Variants in ALG8 observed in about 807,000 individuals in gnomAD.
ALG8 encodes the protein dolichyl pyrophosphate Glc1Man9GlcNAc2 alpha-1,3-glucosyltransferase.
In ALG8, 48 loss-of-function variants were observed where a neutral mutation model predicts 70.2. That is an observed-to-expected ratio of 0.68 (90% CI 0.54 to 0.87). ALG8 has a LOEUF of 0.87. Ranked by LOEUF, ALG8 falls within the 40% of genes least tolerant of loss-of-function variation. The probability of loss-of-function intolerance (pLI) is 0.00; values close to 1 mark genes in which losing one functional copy is unlikely to be tolerated. For missense variants in ALG8, 572 were observed against 608.7 expected (o/e 0.94, Z 0.64); for synonymous variants, 234 against 229.0 (o/e 1.02, Z -0.20).
chr11:78,137,824 T>C (rs1861612954), intron 1 of ALG8, among the ~76,000 whole-genome samples: 1 of 152,130 alleles, frequency 6.6e-6, no homozygotes, highest in African/African-American at 2.4e-5. Flanking sequence ...ATTTCAAGAT[T>C]TACCAAAATG....
At chr11:78,108,072 G>A (rs866030983) in intron 9 of ALG8, among the ~76,000 whole-genome samples, 3 of 151,876 alleles carry the variant, frequency 2.0e-5, no homozygotes, top group Non-Finnish European at 4.4e-5. Flanking sequence ...GAGGTCAGGA[G>A]ATCGAGACCA....
intron 9 of ALG8, among the ~76,000 whole-genome samples, chr11:78,108,395 A>G (rs1290306669): frequency 1.3e-5 from 2 of 152,142 alleles, no homozygotes; most frequent in Non-Finnish European, 2.9e-5. Context: ...TCGCCACTGC[A>G]CTCCAGCCTG....
At chr11:78,118,164 A>G (rs967155617) in intron 5 of ALG8, among the ~76,000 whole-genome samples, 1 of 152,110 alleles carries the variant, frequency 6.6e-6, no homozygotes, top group African/African-American at 2.4e-5. Context: ...GCTCATTAAC[A>G]TTAGTCAGGA....
intron 9 of ALG8, among the ~76,000 whole-genome samples, chr11:78,107,455 G>C (rs1178146387): frequency 6.7e-6 from 1 of 148,684 alleles, no homozygotes; most frequent in East Asian, 2.0e-4. Context: ...TCCTGACCTC[G>C]TGATCTGCCT....
At chr11:78,110,775 C>T (rs936750847) in intron 8 of ALG8, among the ~76,000 whole-genome samples, 1 of 152,102 alleles carries the variant, frequency 6.6e-6, no homozygotes. Context: ...GAAAGATGTA[C>T]CAAAATATTT....
intron 4 of ALG8, 39 bp downstream of exon 4, chr11:78,121,026 G>T: frequency 6.7e-7 from 1 of 1,493,710 alleles, no homozygotes; most frequent in Non-Finnish European, 9.3e-7. Flanking sequence ...GTATACATCA[G>T]AATTAGTAAG....
At chr11:78,114,921 A>G in intron 5 of ALG8, 1 of 196,204 alleles carries the variant, frequency 5.1e-6, no homozygotes, top group Non-Finnish European at 1.1e-5. Context: ...GGCTGCAATG[A>G]GCCATGATGA....
chr11:78,112,860 T>G, intron 7 of ALG8, 90 bp from the exon 8 acceptor site: 1 of 1,503,566 alleles, frequency 6.7e-7, no homozygotes, highest in Admixed American at 2.0e-5. Context: ...TGGTATAGTG[T>G]GTAGAAAGTT....
chr11:78,124,557 G>T (rs963601872), intron 2 of ALG8, among the ~76,000 whole-genome samples: 2 of 152,200 alleles, frequency 1.3e-5, no homozygotes, highest in African/African-American at 4.8e-5. Context: ...AACCTGTCTT[G>T]TAAATTATTT....
intron 1 of ALG8, 34 bp downstream of exon 1, chr11:78,139,460 C>T (rs1861700315): frequency 1.3e-6 from 2 of 1,549,928 alleles, no homozygotes; most frequent in Non-Finnish European, 1.7e-6. Context: ...CGCGGGGCCT[C>T]CCCGCCCAGC....
intron 1 of ALG8, among the ~76,000 whole-genome samples, chr11:78,130,334 G>A (rs983132358): frequency 6.9e-5 from 5 of 72,190 alleles, no homozygotes; most frequent in African/African-American, 4.4e-4. Flanking sequence ...GGGAGACAGA[G>A]CAAGACCCGG....
At chr11:78,114,041 C>A in intron 6 of ALG8, 52 bp from the exon 7 acceptor site, 1 of 1,494,166 alleles carries the variant, frequency 6.7e-7, no homozygotes, top group East Asian at 2.4e-5. Context: ...GGAACATTAA[C>A]CATAACCTAT....
At chr11:78,134,142 T>G (rs2136947687) in intron 1 of ALG8, among the ~76,000 whole-genome samples, 1 of 151,296 alleles carries the variant, frequency 6.6e-6, no homozygotes, top group African/African-American at 2.4e-5. Flanking sequence ...CAAACTGGTT[T>G]TTTTTTTTTT....
chr11:78,110,353 G>A (rs145070954), intron 8 of ALG8, among the ~76,000 whole-genome samples: 3,278 of 152,158 alleles, frequency 0.022, 118 homozygotes, highest in African/African-American at 0.075. Flanking sequence ...CACCATGCCC[G>A]GCTAATTTTT....
intron 5 of ALG8, among the ~76,000 whole-genome samples, chr11:78,118,461 C>A (rs922005446): frequency 6.0e-5 from 9 of 150,446 alleles, no homozygotes; most frequent in African/African-American, 1.5e-4. Context: ...AATAAAAATA[C>A]AAAAATTAGC....
At position 78,139,323 on chromosome 11, in the gene ALG8, G is replaced by A; in HGVS notation, c.95+171C>T. 8.7e-6 allele frequency: 6 copies of A among 687,874 alleles called. No individual in the cohort carries two copies. The South Asian group carries it at 1.1e-4, about 12-fold the overall frequency. The allele number at this position is 687,874 out of a possible 1,614,324, so 42.6% of individuals were successfully genotyped here. A position where few individuals can be genotyped will look rare whatever the true frequency, so the allele number is the denominator to read the frequency against. Reference sequence around the variant, plus strand: ...GCGCCAGGTCTGAACCTAGCCAGCTGGGGCTAAGTCAAGTAACAACTGGCG... The same window carrying A: ...GCGCCAGGTCTGAACCTAGCCAGCTAGGGCTAAGTCAAGTAACAACTGGCG... On this transcript the variant is annotated intron_variant, in intron 1 of 12. Transcript: ENST00000299626.
At chr11:78,132,819 GTTC>G (rs10610139) in intron 1 of ALG8, among the ~76,000 whole-genome samples, 31,111 of 144,056 alleles carry the variant, frequency 0.22, 4,123 homozygotes, top group African/African-American at 0.38. Context: ...ATAGGATCCT[GTTC>G]TTCTTCTTCC....
intron 3 of ALG8, among the ~76,000 whole-genome samples, chr11:78,122,382 G>A (rs369948093): frequency 9.4e-4 from 138 of 146,318 alleles, no homozygotes; most frequent in African/African-American, 3.4e-3. Flanking sequence ...TCAGTCTGTC[G>A]CCTAGGATGG....
intron 2 of ALG8, among the ~76,000 whole-genome samples, chr11:78,125,194 G>A (rs1470654363): frequency 6.6e-6 from 1 of 151,558 alleles, no homozygotes; most frequent in African/African-American, 2.4e-5. Flanking sequence ...CACCACACCC[G>A]GCTAATTTTT....
Sources: allele counts gnomAD v4.1 joint callset (sites outside exome capture counted in the v4.1 genomes callset), GRCh38; gene constraint gnomAD v4.1.1; transcripts MANE v1.5; gene names NCBI Gene and HGNC (gene_info 2026-07-23, HGNC 2026-07-21).